The following SDK1 variants were observed in gnomAD, a reference collection of about 807,000 sequenced individuals.
SDK1 encodes the protein sidekick cell adhesion molecule 1, also known as protein sidekick-1.
In SDK1, 157 loss-of-function variants were observed where a neutral mutation model predicts 245.5. That is an observed-to-expected ratio of 0.64 (90% CI 0.56 to 0.73). SDK1 has a LOEUF of 0.73. SDK1 is among the 30% of genes least tolerant of loss of function. The probability of loss-of-function intolerance (pLI) is 0.00; values close to 1 mark genes in which losing one functional copy is unlikely to be tolerated. For missense variants in SDK1, 3,583 were observed against 3,002.3 expected, an observed-to-expected ratio of 1.19 and a Z score of -4.52; for synonymous variants, 1,647 against 1,278.5, an observed-to-expected ratio of 1.29 and a Z score of -6.15.
At chr7:3,621,844 A>T (rs11768609) in intron 2 of SDK1, among the ~76,000 whole-genome samples, 46,031 of 152,140 alleles carry the variant, frequency 0.3, 7,227 homozygotes, top group Non-Finnish European at 0.34. Context: ...ATTATTTGCA[A>T]ATCGTTGAAT....
intron 4 of SDK1, among the ~76,000 whole-genome samples, chr7:3,740,293 T>C (rs150784369): frequency 6.6e-6 from 1 of 152,340 alleles, no homozygotes; most frequent in African/African-American, 2.4e-5. Flanking sequence ...CCTGTACATG[T>C]GTGTGACCTT....
chr7:4,177,127 A>G (rs1782264321), intron 34 of SDK1, among the ~76,000 whole-genome samples: 1 of 152,172 alleles, frequency 6.6e-6, no homozygotes, highest in Non-Finnish European at 1.5e-5. Flanking sequence ...ACATGTTGAG[A>G]TACTGACTCC....
intron 1 of SDK1, among the ~76,000 whole-genome samples, chr7:3,565,713 C>T (rs957950713): frequency 6.6e-6 from 1 of 152,170 alleles, no homozygotes; most frequent in East Asian, 1.9e-4. Context: ...TGTGCGTATT[C>T]TCCTGTGTAC....
At chr7:3,997,221 C>G (rs948709551) in intron 14 of SDK1, among the ~76,000 whole-genome samples, 1 of 152,060 alleles carries the variant, frequency 6.6e-6, no homozygotes, top group Admixed American at 6.6e-5. Flanking sequence ...CGGTTTTGTC[C>G]GAGTTCTCGT....
intron 44 of SDK1, among the ~76,000 whole-genome samples, chr7:4,247,930 C>A (rs372545059): frequency 6.6e-6 from 1 of 152,166 alleles, no homozygotes; most frequent in African/African-American, 2.4e-5. Context: ...GGGAGGGAGG[C>A]ATCCAGGGAT....
chr7:4,157,203 A>G (rs1273544860), intron 30 of SDK1, among the ~76,000 whole-genome samples: 1 of 151,462 alleles, frequency 6.6e-6, no homozygotes, highest in Non-Finnish European at 1.5e-5. Flanking sequence ...CAGGCATGGC[A>G]TGGGGCTTGG....
chr7:4,257,292 C>T (rs1446502538), intron 44 of SDK1, among the ~76,000 whole-genome samples: 2 of 152,142 alleles, frequency 1.3e-5, no homozygotes, highest in African/African-American at 4.8e-5. Flanking sequence ...TAGAAACTCT[C>T]GCAGTCGGTC....
At chr7:3,593,244 C>G (rs959946121) in intron 1 of SDK1, among the ~76,000 whole-genome samples, 1 of 152,110 alleles carries the variant, frequency 6.6e-6, no homozygotes, top group African/African-American at 2.4e-5. Flanking sequence ...GAAAAGTGGC[C>G]TTTTGTCTTA....
Position 3,951,892 on chromosome 7 carries a change from C to A in SDK1, c.1122C>A (p.Ala374=). Residue 374 remains alanine (A), a synonymous_variant, in exon 7 of 45, where the codon GCC becomes GCA. Transcript: ENST00000404826. ...TGCCGGGGAGCGCTTTTGAACCGGC[C>A]AGGGCGACGGCCTTTCTTTTCATCA... ...AALPGSAFEP[A]RATAFLFIIE... 1.2e-6 allele frequency: 2 copies of A among 1,613,328 alleles called. No individual in the cohort carries two copies. Among genetic ancestry groups the A allele is most frequent in the South Asian group, 1.1e-5 (1 of 91,058 alleles).
chr7:3,668,796 A>G (rs546878559), intron 4 of SDK1, among the ~76,000 whole-genome samples: 1 of 152,138 alleles, frequency 6.6e-6, no homozygotes, highest in African/African-American at 2.4e-5. Context: ...TACTCAAACA[A>G]AACAAAACAA....
intron 4 of SDK1, among the ~76,000 whole-genome samples, chr7:3,649,743 G>A (rs373947338): frequency 4.6e-5 from 7 of 152,144 alleles, no homozygotes; most frequent in African/African-American, 1.4e-4. Flanking sequence ...GTTGGCCGGC[G>A]TGGGAGCCAC....
chr7:4,086,642 T>C (rs1428431237), intron 22 of SDK1, among the ~76,000 whole-genome samples: 2 of 152,140 alleles, frequency 1.3e-5, no homozygotes, highest in African/African-American at 4.8e-5. Flanking sequence ...CTCATCTCTC[T>C]GGCCCACTCT....
At chr7:4,074,148 TAAG>T (rs1275008578) in intron 20 of SDK1, among the ~76,000 whole-genome samples, 2 of 152,090 alleles carry the variant, frequency 1.3e-5, no homozygotes, top group African/African-American at 2.4e-5. Context: ...GGCAGGCTGA[TAAG>T]AACAGACGAA....
intron 44 of SDK1, among the ~76,000 whole-genome samples, chr7:4,259,669 T>A (rs1163866043): frequency 6.6e-6 from 1 of 152,176 alleles, no homozygotes; most frequent in Non-Finnish European, 1.5e-5. Context: ...TCAGCTCACC[T>A]AGGGGTAAGC....
intron 1 of SDK1, among the ~76,000 whole-genome samples, chr7:3,589,991 C>G (rs1318789615): frequency 6.6e-6 from 1 of 152,212 alleles, no homozygotes; most frequent in Non-Finnish European, 1.5e-5. Flanking sequence ...GCTTCCTGAG[C>G]TCTTTACAGG....
At chr7:4,087,455 G>A (rs1781495439) in intron 22 of SDK1, among the ~76,000 whole-genome samples, 1 of 145,744 alleles carries the variant, frequency 6.9e-6, no homozygotes, top group Non-Finnish European at 1.5e-5. Context: ...CATAACCAAT[G>A]TGTGTGCACA....
chr7:3,302,993 A>G (rs1583656750), intron 1 of SDK1, among the ~76,000 whole-genome samples: 3 of 152,088 alleles, frequency 2.0e-5, no homozygotes, highest in East Asian at 3.9e-4. Context: ...CTATCATCCA[A>G]TAGCTTAACA....
intron 4 of SDK1, among the ~76,000 whole-genome samples, chr7:3,654,392 T>G (rs1454168349): frequency 6.6e-6 from 1 of 152,176 alleles, no homozygotes; most frequent in Non-Finnish European, 1.5e-5. Context: ...GTCACCGCGC[T>G]TTATTCCAGA....
At chr7:3,389,922 C>G (rs13235475) in intron 1 of SDK1, among the ~76,000 whole-genome samples, 2 of 152,168 alleles carry the variant, frequency 1.3e-5, no homozygotes, top group South Asian at 2.1e-4. Context: ...ACAGACTGTT[C>G]AAGTGTTTAA....
Sources: allele counts gnomAD v4.1 joint callset (sites outside exome capture counted in the v4.1 genomes callset), GRCh38; gene constraint gnomAD v4.1.1; transcripts MANE v1.5; gene names NCBI Gene and HGNC (gene_info 2026-07-23, HGNC 2026-07-21).